SLC20A2: variants seen among roughly 807,000 people sequenced by gnomAD.
SLC20A2 encodes solute carrier family 20 member 2.
SLC20A2 carries 30 observed loss-of-function variants against 61.0 expected under a neutral mutation model. The ratio of observed to expected loss-of-function variants is 0.49; its 90% confidence interval spans 0.37 to 0.67. The LOEUF (loss-of-function observed/expected upper bound fraction) is 0.67. Among genes scored for constraint, SLC20A2 ranks in the 30% least tolerant of loss-of-function variants. SLC20A2 has a pLI of 0.00. For missense variants in SLC20A2, 626 were observed against 866.4 expected (o/e 0.72, Z 3.48); for synonymous variants, 351 against 353.3 (o/e 0.99, Z 0.07).
At chr8:42,518,993 T>C (rs543299876) in intron 1 of SLC20A2, among the ~76,000 whole-genome samples, 7 of 152,330 alleles carry the variant, frequency 4.6e-5, no homozygotes, top group Non-Finnish European at 7.3e-5. Context: ...GAGCCATAAA[T>C]AAAAGCTATG....
chr8:42,473,009 G>A (rs972108918), intron 1 of SLC20A2, among the ~76,000 whole-genome samples: 36 of 152,338 alleles, frequency 2.4e-4, no homozygotes, highest in Non-Finnish European at 4.6e-4. Context: ...GAGAAATTTA[G>A]TTGCATGGCT....
At chr8:42,509,087 A>T (rs1456390568) in intron 1 of SLC20A2, among the ~76,000 whole-genome samples, 1 of 152,246 alleles carries the variant, frequency 6.6e-6, no homozygotes, top group Non-Finnish European at 1.5e-5. Context: ...TTTGTAAAGT[A>T]TGTAGAATAG....
chr8:42,534,261 C>T lies in SLC20A2; in HGVS notation c.-265+7560G>A, dbSNP rs554091707. The stretch of plus-strand genomic sequence containing the variant: ...ATCATCGCACTCCAACCAGTCTGGG[C>T]GACAGAATGAGACTCTGTCTCAAAA... On this transcript the variant is annotated intron_variant, in intron 1 of 10. Coordinates refer to the SLC20A2 transcript ENST00000342228. 3.3e-5 allele frequency among the ~76,000 whole-genome samples: 5 copies of T among 151,922 alleles called. No individual in the cohort carries two copies. In the South Asian group the frequency reaches 1.0e-3, roughly 32 times the overall value.
At chr8:42,493,594 A>G (rs1285051316) in intron 1 of SLC20A2, among the ~76,000 whole-genome samples, 2 of 152,188 alleles carry the variant, frequency 1.3e-5, no homozygotes, top group African/African-American at 2.4e-5. Flanking sequence ...AAAATCTGCT[A>G]AAGTCCCCAG....
chr8:42,421,045 A>G (rs1803003734), intron 10 of SLC20A2, among the ~76,000 whole-genome samples: 1 of 152,220 alleles, frequency 6.6e-6, no homozygotes, highest in African/African-American at 2.4e-5. Flanking sequence ...AATCCTGTTC[A>G]GGTTGTATTT....
chr8:42,458,572 A>C (rs1472162899), intron 5 of SLC20A2, among the ~76,000 whole-genome samples: 2 of 147,124 alleles, frequency 1.4e-5, no homozygotes, highest in Admixed American at 1.4e-4. Context: ...GCAGTGGGCT[A>C]TGATTGCACC....
chr8:42,446,938 T>A (rs879784949), intron 5 of SLC20A2, among the ~76,000 whole-genome samples: 12 of 152,178 alleles, frequency 7.9e-5, no homozygotes, highest in Non-Finnish European at 1.2e-4. Context: ...TGTTAAAAAA[T>A]TTAATTCAAA....
intron 10 of SLC20A2, among the ~76,000 whole-genome samples, chr8:42,420,251 CTTAT>C (rs894039008): frequency 6.6e-6 from 1 of 151,626 alleles, no homozygotes; most frequent in Non-Finnish European, 1.5e-5. Flanking sequence ...TAATGTGTTC[CTTAT>C]TTATTTATGT....
chr8:42,504,874 A>AG (rs1353409648), upstream of SLC20A2, among the ~76,000 whole-genome samples: 1 of 145,562 alleles, frequency 6.9e-6, no homozygotes. Context: ...AAAAAAAAAA[A>AG]AAAAAAAAAA....
intron 1 of SLC20A2, among the ~76,000 whole-genome samples, chr8:42,516,281 G>C (rs1238655504): frequency 1.2e-4 from 19 of 152,132 alleles, no homozygotes. Context: ...CGTAGCCTTT[G>C]AGTCAAAAGC....
chr8:42,441,989 A>G (rs1804825618), intron 6 of SLC20A2, among the ~76,000 whole-genome samples: 2 of 148,076 alleles, frequency 1.4e-5, no homozygotes, highest in Admixed American at 6.7e-5. Flanking sequence ...AGGGGAGTGC[A>G]ATGGCACAAT....
At chr8:42,464,469 G>A (rs1806995365) in intron 3 of SLC20A2, among the ~76,000 whole-genome samples, 1 of 151,688 alleles carries the variant, frequency 6.6e-6, no homozygotes. Context: ...TCACTTTGAG[G>A]CTTCCCCAAG....
At chr8:42,503,559 T>G (rs1810451013), upstream of SLC20A2, among the ~76,000 whole-genome samples, 1 of 152,196 alleles carries the variant, frequency 6.6e-6, no homozygotes. Context: ...TAATAATATA[T>G]TTTAACTCAA....
At chr8:42,471,353 C>T (rs1241975730) in intron 2 of SLC20A2, among the ~76,000 whole-genome samples, 1 of 152,216 alleles carries the variant, frequency 6.6e-6, no homozygotes, top group Non-Finnish European at 1.5e-5. Context: ...CTCTGTCCAA[C>T]CAGCCACTCT....
chr8:42,528,584 C>T (rs1812125411), intron 1 of SLC20A2, among the ~76,000 whole-genome samples: 1 of 152,132 alleles, frequency 6.6e-6, no homozygotes, highest in Admixed American at 6.5e-5. Flanking sequence ...TTTAATCAGA[C>T]TTAGATTAAA....
At chr8:42,436,750 G>C (rs756641488) in intron 8 of SLC20A2, among the ~76,000 whole-genome samples, 5 of 152,206 alleles carry the variant, frequency 3.3e-5, no homozygotes, top group Non-Finnish European at 5.9e-5. Context: ...TGGAAGCCCA[G>C]GTCGCACTGC....
intron 1 of SLC20A2, among the ~76,000 whole-genome samples, chr8:42,523,637 C>T (rs1226436758): frequency 6.6e-6 from 1 of 152,196 alleles, no homozygotes. Flanking sequence ...AAGCACTGTC[C>T]ATTCTGCCTT....
intron 5 of SLC20A2, among the ~76,000 whole-genome samples, chr8:42,454,863 AC>A (rs1206995578): frequency 6.6e-6 from 1 of 151,956 alleles, no homozygotes; most frequent in Non-Finnish European, 1.5e-5. Flanking sequence ...AACCACCATG[AC>A]CAGCCCAGAT....
At chr8:42,505,402 G>A (rs908934845), upstream of SLC20A2, among the ~76,000 whole-genome samples, 2 of 151,998 alleles carry the variant, frequency 1.3e-5, no homozygotes, top group African/African-American at 2.4e-5. Flanking sequence ...CAAAGTGCTG[G>A]GATTACAGGC....
Sources: gnomAD v4.1 joint callset for allele counts (sites outside exome capture counted in the v4.1 genomes callset) on GRCh38, gnomAD v4.1.1 for gene constraint, MANE v1.5 for transcripts, NCBI Gene and HGNC (gene_info 2026-07-23, HGNC 2026-07-21) for gene names.